COG5: variants seen among roughly 807,000 people sequenced by gnomAD.
The protein encoded by COG5 is conserved oligomeric Golgi complex subunit 5.
In COG5, 86 loss-of-function variants were observed where a neutral mutation model predicts 110.4. That is an observed-to-expected ratio of 0.78 (90% CI 0.65 to 0.93). COG5 has a LOEUF of 0.93. Among genes scored for constraint, COG5 ranks in the 40% least tolerant of loss-of-function variants. The probability of loss-of-function intolerance (pLI) is 0.00; values close to 1 mark genes in which losing one functional copy is unlikely to be tolerated. For missense variants in COG5, 1,077 were observed against 987.0 expected, an observed-to-expected ratio of 1.09 and a Z score of -1.22; for synonymous variants, 360 against 334.6, an observed-to-expected ratio of 1.08 and a Z score of -0.83.
At chr7:107,357,920 C>T (rs1323410297) in intron 10 of COG5, among the ~76,000 whole-genome samples, 1 of 152,194 alleles carries the variant, frequency 6.6e-6, no homozygotes, top group African/African-American at 2.4e-5. Flanking sequence ...TCTCTCACCT[C>T]AGTCTCCCAA....
At chr7:107,204,608 GT>G (rs1371527269) in intron 21 of COG5, among the ~76,000 whole-genome samples, 2 of 152,142 alleles carry the variant, frequency 1.3e-5, no homozygotes, top group African/African-American at 4.8e-5. Flanking sequence ...CACTTAAGTG[GT>G]TTTCTTTTGC....
intron 6 of COG5, among the ~76,000 whole-genome samples, chr7:107,454,922 CT>C (rs1274433139): frequency 2.6e-5 from 4 of 151,984 alleles, no homozygotes; most frequent in Non-Finnish European, 4.4e-5. Context: ...TTGAGATGTT[CT>C]AATATGTCTT....
At chr7:107,236,330 T>A (rs1210100833) in intron 18 of COG5, 120 bp downstream of exon 18, 2 of 765,188 alleles carry the variant, frequency 2.6e-6, no homozygotes, top group African/African-American at 3.5e-5. Context: ...TATGCTTAAG[T>A]GGGCTTACTT....
In COG5 at chr7:107,563,553, G is replaced by C. The variant is rs998782085; in HGVS notation, c.94+250C>G. ...AGGGAAGCTGGAGGCATGGGGGGGGGGGGGGTCGAGTTGAAATGAGGAACA... is the reference window on the plus strand; with the variant it reads ...AGGGAAGCTGGAGGCATGGGGGGGGCGGGGGTCGAGTTGAAATGAGGAACA... On this transcript the variant is annotated intron_variant, in intron 1 of 21. Transcript: ENST00000297135. 51 of 500,828 alleles carry C rather than the reference G, an allele frequency of 1.0e-4. 2 individuals carry two copies. Among genetic ancestry groups the C allele is most frequent in the Middle Eastern group, 5.4e-4 (1 of 1,842 alleles). The allele number at this position is 500,828 out of a possible 1,614,324, so 31.0% of individuals were successfully genotyped here. A position where few individuals can be genotyped will look rare whatever the true frequency, so the allele number is the denominator to read the frequency against.
chr7:107,302,157 T>G lies in COG5; in HGVS notation c.1109-3811A>C, dbSNP rs193201986. 5.9e-5 allele frequency among the ~76,000 whole-genome samples: 9 copies of G among 152,234 alleles called. No individual in the cohort carries two copies. In the East Asian group the frequency reaches 1.7e-3, roughly 29 times the overall value. ...CAATGTCCATCAACAGGCCAATGCATAAACAAACTAATATATCCATGCAAT... is the reference window on the plus strand; with the variant it reads ...CAATGTCCATCAACAGGCCAATGCAGAAACAAACTAATATATCCATGCAAT... On this transcript the variant is annotated intron_variant, in intron 11 of 21. Coordinates refer to ENST00000297135, the MANE Select transcript of COG5 (RefSeq NM_006348.5).
chr7:107,349,233 T>C (rs1283992124), intron 10 of COG5, among the ~76,000 whole-genome samples: 3 of 152,360 alleles, frequency 2.0e-5, no homozygotes, highest in East Asian at 1.9e-4. Context: ...AGTTTCCATA[T>C]AGTCAATCAT....
intron 14 of COG5, among the ~76,000 whole-genome samples, chr7:107,260,075 G>GATATATATATATATATATATATATAT (rs143875588): frequency 0.02 from 2,611 of 130,128 alleles, 103 homozygotes; most frequent in Non-Finnish European, 0.032. Flanking sequence ...AACTCCTAGT[G>GATATATATATATATATATATATATAT]ATATATATAT....
chr7:107,469,475 T>C lies in COG5; in HGVS notation c.539-56843A>G, dbSNP rs188839941. Among the ~76,000 whole-genome samples, 188 of 152,254 alleles carry C rather than the reference T, an allele frequency of 1.2e-3. 2 individuals carry two copies. Among genetic ancestry groups the C allele is most frequent in the African/African-American group, 4.3e-3 (179 of 41,552 alleles). On this transcript the variant is annotated intron_variant, in intron 6 of 21. Transcript: ENST00000297135. ...TCACCTTAGGTCAATCTGATTATTA[T>C]TTTGAATGAATGAATGAATGAAATG...
intron 21 of COG5, among the ~76,000 whole-genome samples, chr7:107,204,329 A>G (rs116597577): frequency 1.4e-4 from 21 of 152,302 alleles, no homozygotes; most frequent in African/African-American, 5.1e-4. Context: ...GCAGAGTTGA[A>G]TAGTTGAGGC....
intron 3 of COG5, among the ~76,000 whole-genome samples, 184 bp from the exon 4 acceptor site, chr7:107,548,516 A>G (rs1432115045): frequency 2.6e-5 from 4 of 152,064 alleles, no homozygotes; most frequent in Non-Finnish European, 4.4e-5. Flanking sequence ...TCCCCCTCCA[A>G]TCTTTGCCTC....
intron 6 of COG5, among the ~76,000 whole-genome samples, chr7:107,436,831 G>A (rs985158559): frequency 5.9e-5 from 9 of 152,126 alleles, no homozygotes; most frequent in Non-Finnish European, 1.2e-4. Context: ...TCATCAAGAC[G>A]CAGTGTGCCT....
intron 19 of COG5, among the ~76,000 whole-genome samples, chr7:107,227,656 G>A (rs929206167): frequency 6.6e-6 from 1 of 151,588 alleles, no homozygotes; most frequent in African/African-American, 2.4e-5. Flanking sequence ...CTTACATGAA[G>A]GTCATCCTGC....
chr7:107,536,365 A>T (rs558466515), intron 5 of COG5, among the ~76,000 whole-genome samples: 1 of 152,352 alleles, frequency 6.6e-6, no homozygotes, highest in Non-Finnish European at 1.5e-5. Context: ...GTATATATAG[A>T]AAACTCCATC....
chr7:107,452,014 G>C (rs927557735), intron 6 of COG5, among the ~76,000 whole-genome samples: 3 of 152,000 alleles, frequency 2.0e-5, no homozygotes, highest in Non-Finnish European at 2.9e-5. Context: ...TTCCTCCTAC[G>C]AATGGTTCAG....
intron 8 of COG5, among the ~76,000 whole-genome samples, chr7:107,367,825 G>C (rs2129048393): frequency 6.6e-6 from 1 of 152,060 alleles, no homozygotes; most frequent in East Asian, 1.9e-4. Context: ...CAGCATATTA[G>C]TACAATGTAC....
At chr7:107,336,749 T>G (rs1343880739) in intron 10 of COG5, among the ~76,000 whole-genome samples, 1 of 152,184 alleles carries the variant, frequency 6.6e-6, no homozygotes, top group East Asian at 1.9e-4. Flanking sequence ...ATTGTAATTT[T>G]AAACAAAATG....
At chr7:107,424,864 G>T (rs1793542127) in intron 6 of COG5, among the ~76,000 whole-genome samples, 1 of 152,122 alleles carries the variant, frequency 6.6e-6, no homozygotes, top group African/African-American at 2.4e-5. Flanking sequence ...GGATGCTAGA[G>T]GGTCTGCTTC....
intron 10 of COG5, among the ~76,000 whole-genome samples, chr7:107,341,731 C>T (rs1431332049): frequency 1.3e-5 from 2 of 152,042 alleles, no homozygotes; most frequent in Non-Finnish European, 2.9e-5. Flanking sequence ...ACACCTACAG[C>T]CATCTGACAA....
chr7:107,330,081 G>C (rs1810108982), intron 10 of COG5, among the ~76,000 whole-genome samples: 1 of 152,186 alleles, frequency 6.6e-6, no homozygotes, highest in Admixed American at 6.5e-5. Flanking sequence ...AATTCAGGTA[G>C]ATTTGAACTG....
Sources: gnomAD v4.1 joint callset for allele counts (sites outside exome capture counted in the v4.1 genomes callset) on GRCh38, gnomAD v4.1.1 for gene constraint, MANE v1.5 for transcripts, NCBI Gene and HGNC (gene_info 2026-07-23, HGNC 2026-07-21) for gene names.